GLIS3: variants seen among roughly 807,000 people sequenced by gnomAD.
GLIS3 encodes the protein zinc finger protein GLIS3.
In GLIS3, 53 loss-of-function variants were observed where a neutral mutation model predicts 78.6. That is an observed-to-expected ratio of 0.67 (90% CI 0.54 to 0.85). The LOEUF (loss-of-function observed/expected upper bound fraction) is 0.85, where lower values mean the gene tolerates loss of function less well. Ranked by LOEUF, GLIS3 falls within the 40% of genes least tolerant of loss-of-function variation. The pLI, the probability that GLIS3 is intolerant of heterozygous loss-of-function variation, is 0.00. For missense variants in GLIS3, 1,703 were observed against 1,231.1 expected, an observed-to-expected ratio of 1.38 and a Z score of -5.74; for synonymous variants, 684 against 509.9, an observed-to-expected ratio of 1.34 and a Z score of -4.60.
intron 1 of GLIS3, among the ~76,000 whole-genome samples, chr9:4,286,744 T>C (rs1828035886): frequency 6.6e-6 from 1 of 152,202 alleles, no homozygotes; most frequent in Non-Finnish European, 1.5e-5. Context: ...CATTGTTTTG[T>C]TTGCCACTGA....
chr9:4,275,389 A>C (rs932154205), intron 2 of GLIS3, among the ~76,000 whole-genome samples: 1 of 152,114 alleles, frequency 6.6e-6, no homozygotes, highest in Non-Finnish European at 1.5e-5. Flanking sequence ...GAGAAGGAGA[A>C]AGATTTCTCT....
At chr9:4,267,675 G>C (rs1826137673) in intron 2 of GLIS3, among the ~76,000 whole-genome samples, 1 of 152,160 alleles carries the variant, frequency 6.6e-6, no homozygotes, top group African/African-American at 2.4e-5. Flanking sequence ...CCTAAAAGGT[G>C]ACCAGGATCC....
intron 3 of GLIS3, among the ~76,000 whole-genome samples, chr9:4,119,873 CTTG>C (rs1832048770): frequency 6.6e-6 from 1 of 152,168 alleles, no homozygotes; most frequent in Non-Finnish European, 1.5e-5. Flanking sequence ...AAAATCACTT[CTTG>C]ATCTTTTGGC....
intron 7 of GLIS3, among the ~76,000 whole-genome samples, chr9:3,888,075 T>C (rs991960933): frequency 6.6e-6 from 1 of 152,178 alleles, no homozygotes; most frequent in East Asian, 1.9e-4. Context: ...AATCTGTCAT[T>C]TCCTCCTGGT....
At chr9:3,840,291 C>G (rs941608245) in intron 9 of GLIS3, among the ~76,000 whole-genome samples, 34 of 152,116 alleles carry the variant, frequency 2.2e-4, no homozygotes. Flanking sequence ...AATCATACTG[C>G]TCTTAAAAGT....
intron 4 of GLIS3, among the ~76,000 whole-genome samples, chr9:3,949,514 A>G (rs1316901745): frequency 6.6e-6 from 1 of 152,240 alleles, no homozygotes; most frequent in East Asian, 1.9e-4. Context: ...GAAATATCTT[A>G]CAGCGAGATC....
chr9:4,001,867 G>A (rs1055987420), intron 4 of GLIS3, among the ~76,000 whole-genome samples: 1 of 152,116 alleles, frequency 6.6e-6, no homozygotes, highest in Non-Finnish European at 1.5e-5. Context: ...CTATCCTTTG[G>A]TGGGACAAAT....
intron 4 of GLIS3, among the ~76,000 whole-genome samples, chr9:4,098,961 G>C (rs575926765): frequency 6.6e-6 from 1 of 152,222 alleles, no homozygotes; most frequent in Admixed American, 6.5e-5. Flanking sequence ...CACACTACAA[G>C]TAAGTCTGAA....
At chr9:4,365,903 G>A in the GLIS3 span, among the ~76,000 whole-genome samples, 1 of 152,248 alleles carries the variant, frequency 6.6e-6, no homozygotes, top group Non-Finnish European at 1.5e-5. Flanking sequence ...ACGAGAATGT[G>A]ATGGGTGTTC....
At chr9:3,974,159 T>C (rs534140870) in intron 4 of GLIS3, among the ~76,000 whole-genome samples, 2 of 151,584 alleles carry the variant, frequency 1.3e-5, no homozygotes, top group South Asian at 2.1e-4. Context: ...GATTTACACC[T>C]TTTTTTTTCT....
chr9:4,209,274 T>G (rs1377894616), intron 2 of GLIS3, among the ~76,000 whole-genome samples: 1 of 152,174 alleles, frequency 6.6e-6, no homozygotes, highest in Non-Finnish European at 1.5e-5. Context: ...CTGGTGCTCC[T>G]TCCTGAAGAT....
At chr9:4,058,782 C>T (rs552420100) in intron 4 of GLIS3, among the ~76,000 whole-genome samples, 36 of 152,132 alleles carry the variant, frequency 2.4e-4, no homozygotes, top group Non-Finnish European at 3.4e-4. Context: ...AGATCGAGAC[C>T]ATCCTGGCTA....
At chr9:4,329,662 A>T (rs1029717097) in intron 2 of GLIS3, among the ~76,000 whole-genome samples, 5 of 152,138 alleles carry the variant, frequency 3.3e-5, no homozygotes, top group African/African-American at 1.2e-4. Context: ...GATGAGAGAG[A>T]AATTTAAAAT....
intron 2 of GLIS3, among the ~76,000 whole-genome samples, chr9:4,199,468 T>A (rs1207706139): frequency 6.7e-6 from 1 of 148,424 alleles, no homozygotes; most frequent in Admixed American, 6.7e-5. Flanking sequence ...ATATATAAGT[T>A]TATATATATA....
intron 9 of GLIS3, among the ~76,000 whole-genome samples, chr9:3,842,653 C>T (rs1388144925): frequency 6.6e-6 from 1 of 152,196 alleles, no homozygotes; most frequent in East Asian, 1.9e-4. Context: ...ATCAGCTCCA[C>T]CTTGGCATGT....
intron 2 of GLIS3, among the ~76,000 whole-genome samples, chr9:4,139,848 G>C (rs1833676320): frequency 6.6e-6 from 1 of 152,126 alleles, no homozygotes. Context: ...GCGAAGCTTG[G>C]GCTGTAATGC....
chr9:4,260,471 G>T (rs1030951324), intron 2 of GLIS3, among the ~76,000 whole-genome samples: 7 of 151,796 alleles, frequency 4.6e-5, no homozygotes, highest in Non-Finnish European at 1.0e-4. Flanking sequence ...GGAGGCTGAG[G>T]CAGGAGAATT....
At chr9:4,060,773 T>C (rs1826582067) in intron 4 of GLIS3, among the ~76,000 whole-genome samples, 1 of 152,120 alleles carries the variant, frequency 6.6e-6, no homozygotes, top group African/African-American at 2.4e-5. Flanking sequence ...AATTATCCAG[T>C]TTTGGGGATT....
chr9:4,043,658 T>A (rs936844353), intron 4 of GLIS3, among the ~76,000 whole-genome samples: 1 of 152,110 alleles, frequency 6.6e-6, no homozygotes, highest in African/African-American at 2.4e-5. Flanking sequence ...AAAACCTTCT[T>A]CTCTACAAGT....
Sources: gnomAD v4.1 joint callset for allele counts (sites outside exome capture counted in the v4.1 genomes callset) on GRCh38, gnomAD v4.1.1 for gene constraint, MANE v1.5 for transcripts, NCBI Gene and HGNC (gene_info 2026-07-23, HGNC 2026-07-21) for gene names.